Variants in MRC1 observed in about 807,000 individuals in gnomAD.
The protein encoded by MRC1 is mannose receptor C-type 1, also known as macrophage mannose receptor 1.
MRC1 carries 62 observed loss-of-function variants against 102.9 expected under a neutral mutation model. The ratio of observed to expected loss-of-function variants is 0.60; its 90% CI spans 0.49 to 0.74. MRC1 has a LOEUF of 0.74. Among genes scored for constraint, MRC1 ranks in the 30% least tolerant of loss-of-function variants. The pLI is 0.00. For missense variants in MRC1, 1,237 were observed against 862.8 expected (o/e 1.43, Z -5.43); for synonymous variants, 457 against 298.4 (o/e 1.53, Z -5.48).
chr10:17,896,019 G>A (rs1030568542), intron 23 of MRC1, among the ~76,000 whole-genome samples: 4 of 152,334 alleles, frequency 2.6e-5, no homozygotes, highest in Admixed American at 2.6e-4. Context: ...TGTGCCTTAT[G>A]GAGAGTTTCA....
chr10:17,872,197 T>C (rs1833363478), intron 15 of MRC1, 71 bp downstream of exon 15: 1 of 778,432 alleles, frequency 1.3e-6, no homozygotes, highest in Non-Finnish European at 2.4e-6. Flanking sequence ...AATCTTTCCT[T>C]TATTAGCAGA....
At chr10:17,899,085 A>G (rs1156387635) in intron 24 of MRC1, among the ~76,000 whole-genome samples, 3 of 148,884 alleles carry the variant, frequency 2.0e-5, no homozygotes, top group East Asian at 4.0e-4. Context: ...ATGGTAGAAC[A>G]TAAGGAAGGA....
intron 29 of MRC1, among the ~76,000 whole-genome samples, chr10:17,909,557 T>C (rs1252268933): frequency 3.3e-5 from 5 of 149,300 alleles, no homozygotes; most frequent in African/African-American, 1.0e-4. Context: ...TAAGCAGTTA[T>C]TGAAGGCATT....
At chr10:17,825,504 G>A (rs1838461872) in intron 2 of MRC1, among the ~76,000 whole-genome samples, 1 of 152,170 alleles carries the variant, frequency 6.6e-6, no homozygotes, top group South Asian at 2.1e-4. Flanking sequence ...ACCTTGGGAG[G>A]CTAAGGCAAG....
At position 17,885,365 on chromosome 10, in the gene MRC1, G is replaced by A. The variant is rs782659088; in HGVS notation, c.3077G>A (p.Arg1026Gln). The A allele has an allele frequency of 1.6e-4, 127 of 780,750 alleles. 1 individual carries two copies. Among genetic ancestry groups the A allele is most frequent in the Admixed American group, 1.3e-3 (76 of 59,010 alleles). 48.4% of individuals were successfully genotyped at this position (780,750 alleles called of 1,614,324 possible). ...SEHTFLWTDG[R>Q]GVHYTNWGKG... ...CACACGTTCCTTTGGACGGATGGAC[G>A]AGGAGTCCATTACACAAACTGGGGG... The change falls in exon 22 of 30, where the codon CGA (arginine) becomes CAA (glutamine). Residue 1026 changes from arginine to glutamine, a missense_variant. Physicochemically the swap from Arg to Gln is conservative, Grantham distance 43 (BLOSUM62 1). Transcript: ENST00000569591.
rs957696660 is a variant in MRC1 at position 17,856,306 on chromosome 10, G to A, written c.1472G>A (p.Arg491Gln). The change falls in exon 9 of 30, where the codon CGA (arginine) becomes CAA (glutamine). Residue 491 changes from arginine (R) to glutamine (Q), a missense_variant. Coordinates refer to ENST00000569591, the MANE Select transcript of MRC1 (RefSeq NM_002438.4). The part of the protein sequence containing the change: ...PLGYICKMKS[R>Q]SQGPEIVEVE... ...GGCTACATCTGCAAGATGAAATCAC[G>A]AAGCCAAGGTCCAGAAATAGTGGAA... is the stretch of plus-strand genomic sequence containing the variant. 3 of 862,902 alleles carry A rather than the reference G, an allele frequency of 3.5e-6. No individual in the cohort carries two copies. Among genetic ancestry groups the A allele is most frequent in the African/African-American group, 1.6e-5 (1 of 61,134 alleles). 53.5% of individuals were successfully genotyped at this position (862,902 alleles called of 1,614,324 possible).
At chr10:17,906,853 C>A (rs1378483259) in intron 26 of MRC1, 33 bp from the exon 27 acceptor site, 2 of 780,436 alleles carry the variant, frequency 2.6e-6, no homozygotes, top group African/African-American at 3.4e-5. Context: ...CTTAAATGTG[C>A]AGCTATCATA....
chr10:17,879,609 C>A (rs986979812), intron 18 of MRC1, 112 bp from the exon 19 acceptor site: 1 of 778,678 alleles, frequency 1.3e-6, no homozygotes, highest in African/African-American at 1.7e-5. Context: ...GTGATCCACT[C>A]GCCTCGGCCT....
chr10:17,817,922 A>C (rs1338042291), intron 1 of MRC1, among the ~76,000 whole-genome samples: 7 of 152,228 alleles, frequency 4.6e-5, no homozygotes, highest in Admixed American at 1.3e-4. Flanking sequence ...AGATGATGAT[A>C]AAGGCAAAAT....
chr10:17,823,877 A>G (rs2130592708), intron 2 of MRC1, among the ~76,000 whole-genome samples: 1 of 152,326 alleles, frequency 6.6e-6, no homozygotes, highest in Non-Finnish European at 1.5e-5. Flanking sequence ...CCCTGGAAAA[A>G]TGATCCATAG....
Position 17,827,618 on chromosome 10 carries a change from A to G in MRC1, c.540A>G (p.Ala180=), listed in dbSNP as rs2130600346. 9.0e-6 allele frequency: 7 copies of G among 780,864 alleles called. No homozygotes were observed. The South Asian group carries it at 9.4e-5, about 10-fold the overall frequency. The allele number at this position is 780,864 out of a possible 1,614,324, so 48.4% of individuals were successfully genotyped here. The change falls in exon 3 of 30, where the codon GCA becomes GCG. Residue 180 remains alanine, a synonymous_variant. Transcript: ENST00000569591. The part of the protein sequence containing the change: ...FPFKFENKWY[A]DCTSAGRSDG... Reference sequence around the variant, plus strand: ...TCAAGTTTGAAAACAAGTGGTACGCAGATTGCACGAGTGCTGGGCGGTCGG... The same window carrying G: ...TCAAGTTTGAAAACAAGTGGTACGCGGATTGCACGAGTGCTGGGCGGTCGG...
chr10:17,837,284 C>CGTTACGTTATCTGGA (rs1838681410), intron 4 of MRC1, among the ~76,000 whole-genome samples: 1 of 152,198 alleles, frequency 6.6e-6, no homozygotes, highest in Non-Finnish European at 1.5e-5. Context: ...AATGGCATCT[C>CGTTACGTTATCTGGA]TAACGAGATT....
At chr10:17,892,483 T>C (rs1833693370) in intron 22 of MRC1, among the ~76,000 whole-genome samples, 1 of 152,204 alleles carries the variant, frequency 6.6e-6, no homozygotes, top group Non-Finnish European at 1.5e-5. Flanking sequence ...CTGTTTGTCT[T>C]GTGACCTCCA....
At chr10:17,864,477 T>G (rs1833232182) in intron 11 of MRC1, among the ~76,000 whole-genome samples, 1 of 152,326 alleles carries the variant, frequency 6.6e-6, no homozygotes, top group South Asian at 2.1e-4. Context: ...TTTATTTGCC[T>G]TGGATTTTAT....
chr10:17,826,366 C>A (rs940491412), intron 2 of MRC1, among the ~76,000 whole-genome samples: 66 of 152,242 alleles, frequency 4.3e-4, no homozygotes, highest in African/African-American at 1.4e-3. Flanking sequence ...CCATGCCCAG[C>A]TAGTTTTTCT....
chr10:17,907,836 G>A, intron 28 of MRC1, 138 bp downstream of exon 28: 1 of 710,500 alleles, frequency 1.4e-6, no homozygotes, highest in South Asian at 1.6e-5. Flanking sequence ...AATCCATTCT[G>A]CCGTTGTAGT....
At chr10:17,908,221 G>A (rs1017364183) in intron 28 of MRC1, among the ~76,000 whole-genome samples, 11 of 152,292 alleles carry the variant, frequency 7.2e-5, no homozygotes, top group Non-Finnish European at 1.5e-4. Flanking sequence ...TTGTTGATAT[G>A]TCATGTCACA....
chr10:17,898,950 T>C (rs1833792407), intron 24 of MRC1, among the ~76,000 whole-genome samples: 1 of 151,964 alleles, frequency 6.6e-6, no homozygotes, highest in Non-Finnish European at 1.5e-5. Flanking sequence ...AATTAAGATA[T>C]AAGAAGTATC....
intron 3 of MRC1, among the ~76,000 whole-genome samples, chr10:17,832,131 C>T (rs1239266364): frequency 6.6e-6 from 1 of 151,572 alleles, no homozygotes. Context: ...TGCAGGAGTC[C>T]GTGACCTTCC....
Sources: gnomAD v4.1 joint callset for allele counts (sites outside exome capture counted in the v4.1 genomes callset) on GRCh38, gnomAD v4.1.1 for gene constraint, MANE v1.5 for transcripts, NCBI Gene and HGNC (gene_info 2026-07-23, HGNC 2026-07-21) for gene names.